Variants in FIG4 observed in about 807,000 individuals in gnomAD.
FIG4 encodes FIG4 phosphoinositide 5-phosphatase, also known as polyphosphoinositide phosphatase.
A neutral mutation model predicts 118.6 loss-of-function variants in FIG4; 112 were observed. The observed-to-expected ratio is 0.94, with a 90% CI of 0.81 to 1.11. FIG4 has a LOEUF of 1.11. Among genes scored for constraint, FIG4 ranks in the 50% least tolerant of loss-of-function variants. FIG4 has a pLI of 0.00. For missense variants in FIG4, 969 were observed against 1,111.7 expected (o/e 0.87, Z 1.83); for synonymous variants, 369 against 381.2 (o/e 0.97, Z 0.37).
At chr6:109,800,197 T>C (rs1203459822) in intron 22 of FIG4, among the ~76,000 whole-genome samples, 1 of 152,084 alleles carries the variant, frequency 6.6e-6, no homozygotes, top group African/African-American at 2.4e-5. Flanking sequence ...CACTAAGCTA[T>C]CAATGCCCGT....
At chr6:109,767,503 T>C (rs895157939) in intron 15 of FIG4, among the ~76,000 whole-genome samples, 2 of 152,174 alleles carry the variant, frequency 1.3e-5, no homozygotes, top group African/African-American at 4.8e-5. Flanking sequence ...GCTCAGTGAT[T>C]GATTTCATGA....
At chr6:109,770,000 A>T (rs974660288) in intron 15 of FIG4, among the ~76,000 whole-genome samples, 2 of 152,206 alleles carry the variant, frequency 1.3e-5, no homozygotes, top group African/African-American at 4.8e-5. Flanking sequence ...GGATGGACTG[A>T]TGCTATGGGG....
intron 22 of FIG4, among the ~76,000 whole-genome samples, chr6:109,814,754 C>G (rs902375865): frequency 6.6e-6 from 1 of 152,120 alleles, no homozygotes; most frequent in Non-Finnish European, 1.5e-5. Context: ...TTGAATACTT[C>G]TTTGATTTCT....
chr6:109,754,672 G>A (rs9481002), intron 10 of FIG4, among the ~76,000 whole-genome samples: 2 of 151,708 alleles, frequency 1.3e-5, no homozygotes, highest in African/African-American at 2.4e-5. Context: ...GTCTTGGGAG[G>A]GTGTATGTGT....
intron 16 of FIG4, among the ~76,000 whole-genome samples, chr6:109,779,055 C>G (rs1338513500): frequency 6.6e-6 from 1 of 152,032 alleles, no homozygotes; most frequent in Non-Finnish European, 1.5e-5. Context: ...AAATGGAGCA[C>G]TGCTAATTTT....
chr6:109,755,989 T>C (rs1211731238), intron 10 of FIG4, among the ~76,000 whole-genome samples: 2 of 152,116 alleles, frequency 1.3e-5, no homozygotes, highest in Non-Finnish European at 2.9e-5. Flanking sequence ...ATGATGTTAG[T>C]TGGTTATTTT....
intron 1 of FIG4, among the ~76,000 whole-genome samples, chr6:109,697,271 A>AG (rs1349190599): frequency 6.6e-6 from 1 of 152,000 alleles, no homozygotes; most frequent in East Asian, 1.9e-4. Flanking sequence ...CAAAAAAAAA[A>AG]AAAAAAAAGG....
chr6:109,767,937 A>G (rs951343163), intron 15 of FIG4, among the ~76,000 whole-genome samples: 3 of 152,184 alleles, frequency 2.0e-5, no homozygotes, highest in African/African-American at 7.2e-5. Flanking sequence ...CCTCAGTGAA[A>G]AGAGAGTGGG....
chr6:109,817,786 G>T (rs149599714), intron 22 of FIG4, among the ~76,000 whole-genome samples: 55 of 152,282 alleles, frequency 3.6e-4, no homozygotes, highest in Non-Finnish European at 6.0e-4. Flanking sequence ...TCTCCTGGCG[G>T]CCTGGGAGCT....
intron 8 of FIG4, among the ~76,000 whole-genome samples, chr6:109,742,282 G>A (rs948161364): frequency 2.6e-5 from 4 of 152,002 alleles, no homozygotes; most frequent in African/African-American, 7.2e-5. Context: ...TTCAGGAAAC[G>A]CTTTGCCCTC....
At chr6:109,783,164 G>A (rs1777854822) in intron 16 of FIG4, among the ~76,000 whole-genome samples, 1 of 152,206 alleles carries the variant, frequency 6.6e-6, no homozygotes, top group South Asian at 2.1e-4. Context: ...AATGGATGCT[G>A]GGCTTAATAC....
At chr6:109,765,204 A>C in intron 14 of FIG4, 43 bp downstream of exon 14, 1 of 1,556,956 alleles carries the variant, frequency 6.4e-7, no homozygotes, top group Non-Finnish European at 8.9e-7. Context: ...TAATGGCAGA[A>C]GGCAAACCTG....
chr6:109,764,440 A>G (rs1777217613), intron 13 of FIG4, among the ~76,000 whole-genome samples: 1 of 114,164 alleles, frequency 8.8e-6, no homozygotes, highest in South Asian at 3.2e-4. Flanking sequence ...TCTGTCTCAG[A>G]AAGAAAAAAA....
chr6:109,715,989 C>T (rs1259158319), intron 2 of FIG4, among the ~76,000 whole-genome samples: 1 of 152,150 alleles, frequency 6.6e-6, no homozygotes, highest in Non-Finnish European at 1.5e-5. Context: ...ATTCTGCTCC[C>T]CACCTATCTG....
chr6:109,731,097 C>T (rs1369895009), intron 4 of FIG4, among the ~76,000 whole-genome samples: 3 of 152,050 alleles, frequency 2.0e-5, no homozygotes, highest in Admixed American at 6.6e-5. Flanking sequence ...TGAACCTTAC[C>T]TAGTAATTTG....
intron 3 of FIG4, among the ~76,000 whole-genome samples, chr6:109,721,372 A>G (rs1336782767): frequency 6.6e-6 from 1 of 152,052 alleles, no homozygotes; most frequent in Non-Finnish European, 1.5e-5. Context: ...GAGGCTTTCA[A>G]GATAATAGCT....
At chr6:109,747,435 G>T (rs140262784) in intron 10 of FIG4, among the ~76,000 whole-genome samples, 1 of 152,098 alleles carries the variant, frequency 6.6e-6, no homozygotes, top group Non-Finnish European at 1.5e-5. Context: ...AGGAGAAAGC[G>T]TGTTTCACAA....
chr6:109,754,883 C>A (rs1337156876), intron 10 of FIG4, among the ~76,000 whole-genome samples: 1 of 152,102 alleles, frequency 6.6e-6, no homozygotes, highest in Admixed American at 6.6e-5. Flanking sequence ...TTTCAAAAAA[C>A]CAGCTCCTGG....
At chr6:109,727,334 G>C in intron 4 of FIG4, 69 bp downstream of exon 4, 1 of 1,287,228 alleles carries the variant, frequency 7.8e-7, no homozygotes, top group South Asian at 1.2e-5. Flanking sequence ...AGGCTGGAAG[G>C]CTGGAATATA....
Sources: gnomAD v4.1 joint callset for allele counts (sites outside exome capture counted in the v4.1 genomes callset) on GRCh38, gnomAD v4.1.1 for gene constraint, MANE v1.5 for transcripts, NCBI Gene and HGNC (gene_info 2026-07-23, HGNC 2026-07-21) for gene names.